Variants in UBE4B observed in about 807,000 individuals in gnomAD.
The protein encoded by UBE4B is ubiquitin conjugation factor E4 B.
UBE4B carries 27 observed loss-of-function variants against 148.1 expected under a neutral mutation model. The observed-to-expected ratio is 0.18, with a 90% CI of 0.13 to 0.25. The LOEUF (loss-of-function observed/expected upper bound fraction) is 0.25, where lower values mean the gene tolerates loss of function less well. Among genes scored for constraint, UBE4B ranks in the 10% least tolerant of loss-of-function variants. The pLI, the probability that UBE4B is intolerant of heterozygous loss-of-function variation, is 1.00. For missense variants in UBE4B, 1,170 were observed against 1,662.4 expected (o/e 0.70, Z 5.15); for synonymous variants, 596 against 619.3 (o/e 0.96, Z 0.56).
At chr1:10,147,391 G>A (rs1179093687) in intron 19 of UBE4B, among the ~76,000 whole-genome samples, 1 of 152,114 alleles carries the variant, frequency 6.6e-6, no homozygotes, top group African/African-American at 2.4e-5. Context: ...TACTCAGGAG[G>A]CTGAGGCATG....
intron 2 of UBE4B, among the ~76,000 whole-genome samples, chr1:10,094,522 C>A (rs1227926219): frequency 6.6e-6 from 1 of 151,784 alleles, no homozygotes; most frequent in East Asian, 1.9e-4. Flanking sequence ...CAACCTCCGC[C>A]TCCCGGGTTC....
chr1:10,103,043 C>G lies in UBE4B; in HGVS notation c.531C>G (p.Val177=), dbSNP rs1279267396. The change falls in exon 5 of 28, where the codon GTC becomes GTG. Residue 177 remains valine (V), a synonymous_variant. Coordinates refer to ENST00000343090, the MANE Select transcript of UBE4B (RefSeq NM_001105562.3). ...RVSWKDRDRD[V]IFLSSLSAQF... ...CTTGGAAGGACCGGGACAGAGATGTCATCTTTCTTTCTTCTCTTTCTGCAC... is the reference window on the plus strand; with the variant it reads ...CTTGGAAGGACCGGGACAGAGATGTGATCTTTCTTTCTTCTCTTTCTGCAC... 6.2e-7 allele frequency: 1 copy of G among 1,613,134 alleles called. No individual in the cohort carries two copies. The highest frequency in any genetic ancestry group is 2.2e-5 in the East Asian group (1 of 44,872).
chr1:10,157,199 A>G (rs1231865542), intron 21 of UBE4B, among the ~76,000 whole-genome samples: 2 of 151,968 alleles, frequency 1.3e-5, no homozygotes, highest in South Asian at 2.1e-4. Context: ...ATTTTTATTA[A>G]TAGTAGAGGC....
At chr1:10,126,359 G>A (rs1265849982) in intron 10 of UBE4B, among the ~76,000 whole-genome samples, 3 of 149,252 alleles carry the variant, frequency 2.0e-5, no homozygotes, top group African/African-American at 4.9e-5. Flanking sequence ...AGATAGAAAG[G>A]AGGAAATATT....
intron 3 of UBE4B, 87 bp downstream of exon 3, chr1:10,095,683 AATGCCAGCTAGAGACCC>A: frequency 6.5e-7 from 1 of 1,532,596 alleles, no homozygotes; most frequent in Non-Finnish European, 8.9e-7. Context: ...CATAGTCAGA[AATGCCAGCTAGAGACCC>A]ATGCCAGTCC....
At chr1:10,125,057 T>C (rs181054739) in intron 10 of UBE4B, among the ~76,000 whole-genome samples, 98 of 152,242 alleles carry the variant, frequency 6.4e-4, no homozygotes, top group African/African-American at 1.7e-3. Context: ...ACCCGAGTGA[T>C]GGAGGCTGCA....
At chr1:10,163,803 A>T (rs991454538) in intron 23 of UBE4B, among the ~76,000 whole-genome samples, 1 of 150,372 alleles carries the variant, frequency 6.7e-6, no homozygotes, top group African/African-American at 2.4e-5. Context: ...ACAGAGTCTC[A>T]CTCTGTCACC....
chr1:10,108,026 G>A (rs1041431582), intron 7 of UBE4B, among the ~76,000 whole-genome samples: 1 of 152,112 alleles, frequency 6.6e-6, no homozygotes, highest in Non-Finnish European at 1.5e-5. Context: ...TATCTATTGC[G>A]AGAATGTTAT....
intron 2 of UBE4B, 28 bp downstream of exon 2, chr1:10,072,242 CTT>C (rs144188727): frequency 0.036 from 57,983 of 1,594,092 alleles, 1,275 homozygotes; most frequent in South Asian, 0.071. Flanking sequence ...ACCTGGGACT[CTT>C]TTGTAATTCT....
In UBE4B at chr1:10,057,818, A is replaced by G. The variant is rs78739590; in HGVS notation, c.25-14210A>G. On this transcript the variant is annotated intron_variant, in intron 1 of 27. Transcript: ENST00000343090. ...GGCCTTTGTAAGTATTTTGTGCTTTATTTTTGAGATATTTACTCACCTGGG... is the reference window on the plus strand; with the variant it reads ...GGCCTTTGTAAGTATTTTGTGCTTTGTTTTTGAGATATTTACTCACCTGGG... 3.4e-3 allele frequency among the ~76,000 whole-genome samples: 514 copies of G among 152,116 alleles called. 2 individuals carry two copies. The highest frequency in any genetic ancestry group is 6.1e-3 in the Non-Finnish European group (417 of 68,006).
intron 1 of UBE4B, among the ~76,000 whole-genome samples, chr1:10,051,022 T>C (rs1307386016): frequency 1.3e-5 from 2 of 152,142 alleles, no homozygotes; most frequent in African/African-American, 4.8e-5. Context: ...TTGCTTTTTG[T>C]TTTGAGACAG....
At position 10,065,424 on chromosome 1, in the gene UBE4B, G is replaced by A. The variant is rs568929990; in HGVS notation, c.25-6604G>A. ...CTGTGTGTTGAAGGAAGAGGAGACC[G>A]CTGTACTTCACTGTATTGTTGTCCA... On this transcript the variant is annotated intron_variant, in intron 1 of 27. Coordinates refer to ENST00000343090, the MANE Select transcript of UBE4B (RefSeq NM_001105562.3). Among the ~76,000 whole-genome samples the A allele has an allele frequency of 2.1e-3, 315 of 152,296 alleles. 1 individual carries two copies. Among genetic ancestry groups the A allele is most frequent in the Non-Finnish European group, 3.8e-3 (258 of 68,022 alleles).
rs749727896 is a variant in UBE4B, at chr1:10,158,500, C to T, written c.3053+18C>T. The T allele has an allele frequency of 6.8e-6, 11 of 1,607,344 alleles. No individual in the cohort carries two copies. In the East Asian group the frequency reaches 1.3e-4, roughly 20 times the overall value. On this transcript the variant is annotated intron_variant, in intron 22 of 27. Transcript: ENST00000343090. ...GAGTTCAAGTGAGTATGGGGCCCCT[C>T]GTGTCACAACTTGCTTTCTTGCAAA...
Position 10,168,243 on chromosome 1 carries a change from G to A in UBE4B, c.3306G>A (p.Lys1102=), listed in dbSNP as rs1402880486. 7 of 1,614,010 alleles carry A rather than the reference G, an allele frequency of 4.3e-6. No homozygotes were observed. In the South Asian group the frequency reaches 6.6e-5, roughly 15 times the overall value. ...ETVDMFHILT[K]QVQKPFLRPE... is the part of the protein sequence containing the mutation. Reference sequence around the variant, plus strand: ...TGGACATGTTCCACATCCTCACGAAGCAGGTCCAGAAGCCCTTCCTCAGAC... The same window carrying A: ...TGGACATGTTCCACATCCTCACGAAACAGGTCCAGAAGCCCTTCCTCAGAC... Residue 1102 remains lysine (K), a synonymous_variant, in exon 24 of 28, where the codon AAG becomes AAA. Coordinates refer to ENST00000343090, the MANE Select transcript of UBE4B (RefSeq NM_001105562.3). This position sits in a 1 kb window ranked among gnomAD's most constrained non-coding sequence, Gnocchi z 4.9.
chr1:10,137,071 C>T lies in UBE4B; in HGVS notation c.2229C>T (p.Gly743=), dbSNP rs371708780. Residue 743 remains glycine (G), a synonymous_variant, in exon 17 of 28, where the codon GGC becomes GGT. Coordinates refer to ENST00000343090, the MANE Select transcript of UBE4B (RefSeq NM_001105562.3). ...DVNDWLTELY[G]DQPPFSEPKF... The stretch of plus-strand genomic sequence containing the variant: ...GAATGATGTTATTTTTCCTAGATGG[C>T]GATCAGCCTCCATTTTCTGAGCCGA... 1.2e-4 allele frequency: 193 copies of T among 1,613,918 alleles called. No homozygotes were observed. The highest frequency in any genetic ancestry group is 1.5e-4 in the South Asian group (14 of 91,076).
intron 4 of UBE4B, among the ~76,000 whole-genome samples, chr1:10,102,698 A>G (rs1172480737): frequency 6.6e-6 from 1 of 151,992 alleles, no homozygotes; most frequent in Admixed American, 6.6e-5. Flanking sequence ...GGTGTGAGCC[A>G]CCACGCCCGG....
intron 1 of UBE4B, among the ~76,000 whole-genome samples, chr1:10,048,684 G>A (rs959170995): frequency 6.6e-5 from 10 of 152,144 alleles, no homozygotes; most frequent in African/African-American, 1.4e-4. Context: ...GGACCAAGAC[G>A]TGACTATGGG....
Position 10,039,136 on chromosome 1 carries a change from G to C in UBE4B, c.24+5442G>C, listed in dbSNP as rs145571460. Reference sequence around the variant, plus strand: ...ATTATAATTAAATTTGAGTAGAGGAGATAGATAGGAATCCAACAGTTATAG... The same window carrying C: ...ATTATAATTAAATTTGAGTAGAGGACATAGATAGGAATCCAACAGTTATAG... On this transcript the variant is annotated intron_variant, in intron 1 of 27. Transcript: ENST00000343090. Among the ~76,000 whole-genome samples the C allele has an allele frequency of 1.7e-3, 266 of 152,146 alleles. 1 individual carries two copies. The highest frequency in any genetic ancestry group is 6.2e-3 in the African/African-American group (256 of 41,538).
intron 2 of UBE4B, among the ~76,000 whole-genome samples, chr1:10,079,438 G>A (rs2101844797): frequency 6.6e-6 from 1 of 152,244 alleles, no homozygotes; most frequent in South Asian, 2.1e-4. Flanking sequence ...GGGATTACAG[G>A]TGTGAGCCAC....
Sources: gnomAD v4.1 joint callset for allele counts (sites outside exome capture counted in the v4.1 genomes callset) on GRCh38, gnomAD v4.1.1 for gene constraint, Gnocchi (gnomAD v3.1) non-coding constraint, MANE v1.5 for transcripts, NCBI Gene and HGNC (gene_info 2026-07-23, HGNC 2026-07-21) for gene names.